The following SGPP2 variants were observed in gnomAD, a reference collection of about 807,000 sequenced individuals.
The protein encoded by SGPP2 is sphingosine-1-phosphate phosphatase 2.
A neutral mutation model predicts 33.9 loss-of-function variants in SGPP2; 30 were observed. That is an observed-to-expected ratio of 0.89 (90% CI 0.66 to 1.20). The LOEUF (loss-of-function observed/expected upper bound fraction) is 1.20. SGPP2 is among the 50% of genes most tolerant of loss of function. The pLI is 0.00. For missense variants in SGPP2, 458 were observed against 532.1 expected (o/e 0.86, Z 1.37); for synonymous variants, 233 against 225.0 (o/e 1.04, Z -0.32).
intron 2 of SGPP2, among the ~76,000 whole-genome samples, chr2:222,511,108 A>G (rs1444051574): frequency 6.6e-6 from 1 of 152,132 alleles, no homozygotes; most frequent in Non-Finnish European, 1.5e-5. Context: ...TACTGTAATA[A>G]CCAGAAAGGG....
intron 3 of SGPP2, among the ~76,000 whole-genome samples, chr2:222,522,185 C>T (rs1056964737): frequency 6.6e-6 from 1 of 152,204 alleles, no homozygotes; most frequent in African/African-American, 2.4e-5. Flanking sequence ...AATAATGACA[C>T]CAGGACAACT....
At position 222,474,746 on chromosome 2, in the gene SGPP2, A is replaced by G. The variant is rs1214477006; in HGVS notation, c.378+20A>G. ...TGGGTTGTAAGTATTATTACTACTC[A>G]TTAACTGATGCTACTTCTAAAACAA... On this transcript the variant is annotated intron_variant, in intron 2 of 4. Transcript: ENST00000321276. The G allele has an allele frequency of 6.3e-7, 1 of 1,575,302 alleles. No homozygotes were observed. The highest frequency in any genetic ancestry group is 8.7e-7 in the Non-Finnish European group (1 of 1,153,888).
At chr2:222,474,457 T>C (rs1697898107) in intron 1 of SGPP2, 111 bp from the exon 2 acceptor site, 2 of 872,604 alleles carry the variant, frequency 2.3e-6, no homozygotes, top group East Asian at 2.5e-5. Flanking sequence ...AATAACATAA[T>C]GGGAGAGGAG....
At chr2:222,485,446 G>C (rs544773904) in intron 2 of SGPP2, among the ~76,000 whole-genome samples, 1 of 152,218 alleles carries the variant, frequency 6.6e-6, no homozygotes, top group Non-Finnish European at 1.5e-5. Flanking sequence ...GACCTAGCAG[G>C]GCGGAGAAGG....
intron 1 of SGPP2, among the ~76,000 whole-genome samples, chr2:222,457,501 T>C (rs1250947973): frequency 6.6e-6 from 1 of 152,210 alleles, no homozygotes; most frequent in Non-Finnish European, 1.5e-5. Flanking sequence ...AACACAAATG[T>C]AGACTGAGAT....
chr2:222,442,622 C>T (rs549804299), intron 1 of SGPP2, among the ~76,000 whole-genome samples: 7 of 152,166 alleles, frequency 4.6e-5, no homozygotes, highest in Non-Finnish European at 1.0e-4. Flanking sequence ...TATCCTTGAA[C>T]ATATAAAATA....
intron 2 of SGPP2, among the ~76,000 whole-genome samples, chr2:222,506,550 G>A (rs1394683987): frequency 1.3e-5 from 2 of 152,070 alleles, no homozygotes; most frequent in African/African-American, 4.8e-5. Context: ...TTTTAGCTTA[G>A]CTTACTTTAT....
intron 1 of SGPP2, among the ~76,000 whole-genome samples, chr2:222,433,494 A>C (rs1328349743): frequency 6.6e-6 from 1 of 152,132 alleles, no homozygotes. Flanking sequence ...CCCTCTGCTC[A>C]CCTGTGTACC....
chr2:222,452,863 T>C (rs929170166), intron 1 of SGPP2: 2 of 1,607,884 alleles, frequency 1.2e-6, no homozygotes, highest in African/African-American at 1.3e-5. Flanking sequence ...TTAGATTTCA[T>C]TCTCTGGTTC....
At chr2:222,474,825 T>C (rs1298027434) in intron 2 of SGPP2, 99 bp downstream of exon 2, 2 of 1,044,794 alleles carry the variant, frequency 1.9e-6, no homozygotes, top group African/African-American at 3.3e-5. Flanking sequence ...TTTTTTTTTT[T>C]TTTTTTACCA....
chr2:222,552,935 TA>T (rs1235339266), intron 4 of SGPP2, among the ~76,000 whole-genome samples: 2 of 152,020 alleles, frequency 1.3e-5, no homozygotes, highest in Non-Finnish European at 2.9e-5. Context: ...AATAAAACAT[TA>T]AAAAAGGACA....
At position 222,558,722 on chromosome 2, in the gene SGPP2, G is replaced by C. The variant is rs143939494; in HGVS notation, c.1024G>C (p.Val342Leu). Residue 342 changes from valine (V) to leucine (L), a missense_variant, in exon 5 of 5, where the codon GTA becomes CTA. By Grantham distance (32) the Val-to-Leu change is conservative. Transcript: ENST00000321276. ...IVLILLVRQL[V>L]QNLSLQVLYS... ...GTTGATCCTCTTGGTTCGTCAGCTT[G>C]TACAAAATCTCTCACTGCAAGTATT... 3.7e-6 allele frequency: 6 copies of C among 1,613,992 alleles called. No homozygotes were observed. The highest frequency in any genetic ancestry group is 1.3e-5 in the African/African-American group (1 of 74,890).
intron 1 of SGPP2, among the ~76,000 whole-genome samples, chr2:222,467,860 C>A (rs560366877): frequency 6.8e-6 from 1 of 147,856 alleles, no homozygotes; most frequent in East Asian, 2.0e-4. Flanking sequence ...ATTACCATCC[C>A]CCCGAGATGT....
intron 2 of SGPP2, chr2:222,498,498 A>ATCATTCAT (rs113882304): frequency 6.6e-6 from 1 of 152,080 alleles, no homozygotes; most frequent in Non-Finnish European, 1.5e-5. Flanking sequence ...CTCAACAGGC[A>ATCATTCAT]TCATTCATTC....
At chr2:222,459,385 A>C (rs1314883538) in intron 1 of SGPP2, among the ~76,000 whole-genome samples, 3 of 151,872 alleles carry the variant, frequency 2.0e-5, no homozygotes, top group African/African-American at 7.3e-5. Context: ...CCTGAGCTCA[A>C]ATGATCTGCC....
chr2:222,449,293 A>T (rs1463521634), intron 1 of SGPP2, among the ~76,000 whole-genome samples: 1 of 152,118 alleles, frequency 6.6e-6, no homozygotes, highest in African/African-American at 2.4e-5. Flanking sequence ...TGACATTTTG[A>T]TTGCAGGCTT....
chr2:222,452,641 T>C (rs1349278826), intron 1 of SGPP2: 50 of 1,375,342 alleles, frequency 3.6e-5, no homozygotes, highest in Admixed American at 8.4e-5. Context: ...CAGGTCTGAG[T>C]GTTCCAGGAG....
At chr2:222,429,524 C>T (rs142632346) in intron 1 of SGPP2, among the ~76,000 whole-genome samples, 59 of 152,264 alleles carry the variant, frequency 3.9e-4, no homozygotes, top group Admixed American at 1.3e-3. Flanking sequence ...TGGAAACACA[C>T]GAAGAGAAAG....
intron 1 of SGPP2, chr2:222,453,149 A>G: frequency 1.3e-6 from 1 of 796,592 alleles, no homozygotes; most frequent in South Asian, 1.3e-5. Flanking sequence ...GAGGAGAGAC[A>G]GTCGCAGTGT....
Sources: allele counts gnomAD v4.1 joint callset (sites outside exome capture counted in the v4.1 genomes callset), GRCh38; gene constraint gnomAD v4.1.1; transcripts MANE v1.5; gene names NCBI Gene and HGNC (gene_info 2026-07-23, HGNC 2026-07-21).